DNAAF19: variants seen among roughly 807,000 people sequenced by gnomAD.
DNAAF19 encodes coiled-coil domain containing 103.
the DNAAF19 span, chr17:44,903,550 C>T: frequency 2.4e-4 from 332 of 1,359,636 alleles, 4 homozygotes; most frequent in South Asian, 5.6e-3. Context: ...CTTGGGTGAG[C>T]GCCAGTGTTC....
chr17:44,902,737 G>A, the DNAAF19 span: 7 of 1,610,734 alleles, frequency 4.3e-6, no homozygotes, highest in Non-Finnish European at 1.7e-6. Flanking sequence ...GGAGGAGCAG[G>A]GTCTGGAGGA....
At chr17:44,905,381 T>C in the DNAAF19 span, 2 of 310,084 alleles carry the variant, frequency 6.4e-6, no homozygotes, top group African/African-American at 2.2e-5. Context: ...CTGATCAGTG[T>C]TGAATCATGT....
the DNAAF19 span, chr17:44,901,773 G>T: frequency 3.4e-6 from 4 of 1,184,366 alleles, no homozygotes; most frequent in African/African-American, 4.6e-5. Flanking sequence ...TTCTTTATTT[G>T]TCATGTTAAA....
chr17:44,904,421 C>A, the DNAAF19 span: 8 of 1,542,100 alleles, frequency 5.2e-6, no homozygotes, highest in Non-Finnish European at 7.0e-6. Context: ...CCTGCAGAGC[C>A]CAGACCTCTC....
the DNAAF19 span, among the ~76,000 whole-genome samples, chr17:44,900,132 C>T: frequency 2.6e-5 from 4 of 152,076 alleles, no homozygotes; most frequent in Admixed American, 6.5e-5. Flanking sequence ...GAGAATCTCT[C>T]TGCAGTGGCT....
chr17:44,904,897 G>T, the DNAAF19 span: 1 of 1,550,458 alleles, frequency 6.4e-7, no homozygotes, highest in African/African-American at 1.4e-5. Flanking sequence ...CTGGCTTCCG[G>T]CTGGGTGTGA....
the DNAAF19 span, chr17:44,903,557 G>A: frequency 7.3e-7 from 1 of 1,377,096 alleles, no homozygotes; most frequent in Non-Finnish European, 9.3e-7. Context: ...GAGCGCCAGT[G>A]TTCTAGAAAG....
the DNAAF19 span, chr17:44,904,571 A>T: frequency 1.3e-6 from 2 of 1,550,562 alleles, no homozygotes; most frequent in East Asian, 2.4e-5. Flanking sequence ...GAAGACAAAG[A>T]CCATCCGGGA....
chr17:44,905,200 C>T, the DNAAF19 span: 1 of 735,112 alleles, frequency 1.4e-6, no homozygotes, highest in South Asian at 1.9e-5. Context: ...TTACAGCCTG[C>T]TCCCCATTTT....
the DNAAF19 span, chr17:44,899,773 T>TA: frequency 1.3e-5 from 2 of 152,376 alleles, no homozygotes; most frequent in South Asian, 4.1e-4. Flanking sequence ...TGTTCTGGTT[T>TA]ATCAGGGGAT....
At chr17:44,901,029 G>C in the DNAAF19 span, 670 of 1,603,076 alleles carry the variant, frequency 4.2e-4, no homozygotes, top group Non-Finnish European at 5.5e-4. Flanking sequence ...CAACTTCAAG[G>C]CTTTGGAGAA....
chr17:44,900,727 GA>G, the DNAAF19 span, among the ~76,000 whole-genome samples: 8 of 152,172 alleles, frequency 5.3e-5, no homozygotes, highest in Non-Finnish European at 8.8e-5. Flanking sequence ...TAGAGGCAAA[GA>G]GCAAAATTAA....
chr17:44,903,643 T>G, the DNAAF19 span: 9 of 1,432,520 alleles, frequency 6.3e-6, no homozygotes, highest in African/African-American at 1.3e-4. Flanking sequence ...GAAGGGCATC[T>G]TGTACATCCA....
chr17:44,904,198 C>G, the DNAAF19 span: 8 of 1,550,588 alleles, frequency 5.2e-6, no homozygotes, highest in Middle Eastern at 1.7e-4. Flanking sequence ...CAGGCCTGTA[C>G]TTCTGCGGCA....
At chr17:44,904,864 C>G in the DNAAF19 span, 3 of 1,550,664 alleles carry the variant, frequency 1.9e-6, no homozygotes, top group Non-Finnish European at 2.6e-6. Flanking sequence ...TCTACTATTG[C>G]TGGAGGCAGG....
chr17:44,905,054 C>T, the DNAAF19 span: 2 of 1,543,026 alleles, frequency 1.3e-6, no homozygotes, highest in Non-Finnish European at 8.8e-7. Context: ...TCACTGTTGT[C>T]CCAGCTTCTC....
At chr17:44,903,582 G>C in the DNAAF19 span, 1 of 1,396,808 alleles carries the variant, frequency 7.2e-7, no homozygotes, top group Non-Finnish European at 9.2e-7. Context: ...GTAAAGGCCA[G>C]GTTCTAGAAT....
the DNAAF19 span, chr17:44,902,751 G>A: frequency 6.2e-7 from 1 of 1,605,444 alleles, no homozygotes; most frequent in Non-Finnish European, 8.5e-7. Flanking sequence ...TGGAGGAGCA[G>A]TCTGGTGGGC....
At chr17:44,903,099 C>A in the DNAAF19 span, 1 of 1,330,880 alleles carries the variant, frequency 7.5e-7, no homozygotes, top group South Asian at 2.3e-5. Context: ...GCCCACTGGC[C>A]TTGAGAGATG....
Sources: gnomAD v4.1 joint callset for allele counts (sites outside exome capture counted in the v4.1 genomes callset) on GRCh38, gnomAD v4.1.1 for gene constraint, MANE v1.5 for transcripts, NCBI Gene and HGNC (gene_info 2026-07-23, HGNC 2026-07-21) for gene names.